GCC2: variants seen among roughly 807,000 people sequenced by gnomAD.
The protein encoded by GCC2 is GRIP and coiled-coil domain containing 2.
GCC2 carries 120 observed loss-of-function variants against 210.6 expected under a neutral mutation model. The observed-to-expected ratio is 0.57, with a 90% CI of 0.49 to 0.66. The LOEUF is 0.66. GCC2 is among the 30% of genes least tolerant of loss of function. The pLI is 0.00. For synonymous variants in GCC2, 703 were observed against 652.7 expected, an observed-to-expected ratio of 1.08 and a Z score of -1.17; for missense variants, 1,868 against 1,871.9, an observed-to-expected ratio of 1.00 and a Z score of 0.04.
chr2:108,470,604 A>T lies in GCC2; in HGVS notation c.1275A>T (p.Glu425Asp). The change falls in exon 6 of 23, where the codon GAA becomes GAT. Residue 425 changes from glutamate (E) to aspartate (D), a missense_variant. Physicochemically the swap from Glu to Asp is conservative, Grantham distance 45 (BLOSUM62 2). This residue lies in a region of GCC2 where 1,847 missense variants were observed against 1,765.2 expected (regional missense o/e 1.05). Transcript: ENST00000309863. ...ATACTGTAGAACAGCATAACAGAGAAGTACAGAGTCTTAAGGAACAACATC... is the reference window on the plus strand; with the variant it reads ...ATACTGTAGAACAGCATAACAGAGATGTACAGAGTCTTAAGGAACAACATC... ...FCYTVEQHNR[E>D]VQSLKEQHQK... The T allele has an allele frequency of 6.2e-7, 1 of 1,611,284 alleles. No homozygotes were observed.
chr2:108,481,643 T>A, intron 9 of GCC2, 54 bp from the exon 10 acceptor site: 2 of 1,402,284 alleles, frequency 1.4e-6, no homozygotes, highest in Non-Finnish European at 2.0e-6. Context: ...TGATGAAGTC[T>A]GACCTGTTGA....
chr2:108,453,265 C>T (rs1048393903), intron 4 of GCC2, among the ~76,000 whole-genome samples: 1 of 152,246 alleles, frequency 6.6e-6, no homozygotes, highest in Non-Finnish European at 1.5e-5. Context: ...GACACTTTAA[C>T]TTCTCTGTTT....
chr2:108,486,415 C>T, intron 15 of GCC2, 96 bp from the exon 16 acceptor site: 4 of 1,150,888 alleles, frequency 3.5e-6, no homozygotes, highest in East Asian at 2.4e-5. Context: ...CTTATATGTA[C>T]TTATGTCTCA....
At chr2:108,489,008 G>A (rs1213031569) in intron 17 of GCC2, among the ~76,000 whole-genome samples, 1 of 152,112 alleles carries the variant, frequency 6.6e-6, no homozygotes, top group Non-Finnish European at 1.5e-5. Flanking sequence ...TTACATGAAT[G>A]TAAATGTTTT....
chr2:108,462,086 C>T (rs1426297679), intron 4 of GCC2, among the ~76,000 whole-genome samples: 2 of 148,986 alleles, frequency 1.3e-5, no homozygotes, highest in East Asian at 4.0e-4. Flanking sequence ...ATCCGCCCGC[C>T]TCGGCCTCCC....
chr2:108,482,422 G>A lies in GCC2; in HGVS notation c.3316G>A (p.Glu1106Lys). ...AATGGTAGACAAAGAATTAGAAGCT[G>A]AAAAACTTCAGAAAGAACAGAAGAT... is the stretch of plus-strand genomic sequence containing the variant. ...KAMVDKELEA[E>K]KLQKEQKIKE... The change falls in exon 11 of 23, where the codon GAA becomes AAA. Residue 1106 changes from glutamate to lysine, a missense_variant. Coordinates refer to ENST00000309863, the MANE Select transcript of GCC2 (RefSeq NM_181453.4). 6.4e-7 allele frequency: 1 copy of A among 1,574,782 alleles called. No individual in the cohort carries two copies. Among genetic ancestry groups the A allele is most frequent in the Non-Finnish European group, 8.7e-7 (1 of 1,148,150 alleles).
intron 4 of GCC2, among the ~76,000 whole-genome samples, chr2:108,457,909 G>T (rs903764983): frequency 6.6e-6 from 1 of 152,074 alleles, no homozygotes; most frequent in African/African-American, 2.4e-5. Flanking sequence ...TTTGGATGTC[G>T]TTTATTTCTT....
intron 9 of GCC2, among the ~76,000 whole-genome samples, chr2:108,478,329 T>C (rs1406444641): frequency 6.6e-6 from 1 of 152,238 alleles, no homozygotes; most frequent in African/African-American, 2.4e-5. Flanking sequence ...GGATTTAAGG[T>C]AGAACCAGAG....
chr2:108,465,990 T>G (rs1680862749), intron 4 of GCC2, among the ~76,000 whole-genome samples: 1 of 152,196 alleles, frequency 6.6e-6, no homozygotes, highest in Non-Finnish European at 1.5e-5. Context: ...TAGCTGGGAT[T>G]AAGGTGGTAT....
At chr2:108,458,191 C>T (rs995693084) in intron 4 of GCC2, among the ~76,000 whole-genome samples, 3 of 151,890 alleles carry the variant, frequency 2.0e-5, no homozygotes, top group African/African-American at 7.3e-5. Context: ...CGACTTTTGC[C>T]CTTTATTCTG....
At chr2:108,453,271 T>C (rs1680058012) in intron 4 of GCC2, among the ~76,000 whole-genome samples, 1 of 152,248 alleles carries the variant, frequency 6.6e-6, no homozygotes, top group African/African-American at 2.4e-5. Context: ...TTAACTTCTC[T>C]GTTTCCTTTA....
chr2:108,482,241 A>G (rs768242369), intron 10 of GCC2, 46 bp from the exon 11 acceptor site: 1 of 1,107,314 alleles, frequency 9.0e-7, no homozygotes, highest in South Asian at 1.5e-5. Context: ...CCTCTGCTGT[A>G]TATGTTTTTT....
intron 21 of GCC2, among the ~76,000 whole-genome samples, chr2:108,497,352 G>A (rs1384511263): frequency 6.6e-6 from 1 of 152,160 alleles, no homozygotes; most frequent in African/African-American, 2.4e-5. Context: ...TCCTGACCTC[G>A]TGATCCGCCT....
chr2:108,498,722 T>TA (rs1682774906), intron 21 of GCC2, among the ~76,000 whole-genome samples: 1 of 152,190 alleles, frequency 6.6e-6, no homozygotes, highest in African/African-American at 2.4e-5. Context: ...ATTTTTCTGA[T>TA]AGTGTTTTAC....
At chr2:108,451,141 C>G in intron 3 of GCC2, 29 bp downstream of exon 3, 19 of 1,294,440 alleles carry the variant, frequency 1.5e-5, no homozygotes, top group Non-Finnish European at 2.0e-5. Flanking sequence ...TCATCTTGAT[C>G]ACAGTCTCTT....
At chr2:108,452,810 C>A (rs1463384241) in intron 4 of GCC2, among the ~76,000 whole-genome samples, 1 of 151,142 alleles carries the variant, frequency 6.6e-6, no homozygotes, top group Non-Finnish European at 1.5e-5. Flanking sequence ...TCTCCTGCCT[C>A]AGCCTTCCAA....
chr2:108,449,537 T>G, intron 1 of GCC2, 96 bp from the exon 2 acceptor site: 2 of 1,346,528 alleles, frequency 1.5e-6, no homozygotes, highest in Non-Finnish European at 2.1e-6. Context: ...CACCACTTGA[T>G]TCCATAGAAG....
intron 9 of GCC2, among the ~76,000 whole-genome samples, chr2:108,479,465 AC>A (rs1329192065): frequency 6.6e-6 from 1 of 152,078 alleles, no homozygotes; most frequent in African/African-American, 2.4e-5. Flanking sequence ...ACATGGTGAA[AC>A]CCTGTCTCTA....
At chr2:108,492,059 GTGTT>G (rs1357727565) in intron 18 of GCC2, among the ~76,000 whole-genome samples, 1 of 151,468 alleles carries the variant, frequency 6.6e-6, no homozygotes, top group Non-Finnish European at 1.5e-5. Flanking sequence ...AACCAAGTCT[GTGTT>G]TGTTGTGGTT....
Sources: allele counts gnomAD v4.1 joint callset (sites outside exome capture counted in the v4.1 genomes callset), GRCh38; gene constraint gnomAD v4.1.1; regional missense constraint gnomAD v4.1.1; transcripts MANE v1.5; gene names NCBI Gene and HGNC (gene_info 2026-07-23, HGNC 2026-07-21).